Variants in AKAP9 observed in about 807,000 individuals in gnomAD.
AKAP9 encodes the protein A-kinase anchoring protein 9, also known as A-kinase anchor protein 9.
In AKAP9, 311 loss-of-function variants were observed where a neutral mutation model predicts 488.5. The ratio of observed to expected loss-of-function variants is 0.64; its 90% CI spans 0.58 to 0.70. The LOEUF (loss-of-function observed/expected upper bound fraction) is 0.70, where lower values mean the gene tolerates loss of function less well. AKAP9 is among the 30% of genes least tolerant of loss of function. The pLI is 0.00. For synonymous variants in AKAP9, 1,462 were observed against 1,483.5 expected (o/e 0.99, Z 0.33); for missense variants, 4,215 against 4,374.5 (o/e 0.96, Z 1.03).
chr7:91,947,691 A>G (rs963191410), intron 1 of AKAP9, among the ~76,000 whole-genome samples: 4 of 152,226 alleles, frequency 2.6e-5, no homozygotes, highest in African/African-American at 9.6e-5. Context: ...GTCTGTTGGA[A>G]TAATCTTATG....
At chr7:92,076,095 A>G (rs1436873381) in intron 28 of AKAP9, among the ~76,000 whole-genome samples, 1 of 152,234 alleles carries the variant, frequency 6.6e-6, no homozygotes. Context: ...GCAACAAACC[A>G]GTGAGCTAAA....
At chr7:92,082,411 A>G in intron 31 of AKAP9, 111 bp from the exon 32 acceptor site, 5 of 1,174,498 alleles carry the variant, frequency 4.3e-6, no homozygotes, top group Non-Finnish European at 6.2e-6. Context: ...CCAACTCCTT[A>G]TATCTGTAGG....
In AKAP9 at chr7:92,099,693, T is replaced by C. The variant is rs781113714; in HGVS notation, c.10720T>C (p.Leu3574=). 6.2e-7 allele frequency: 1 copy of C among 1,614,028 alleles called. No individual in the cohort carries two copies. The highest frequency in any genetic ancestry group is 8.5e-7 in the Non-Finnish European group (1 of 1,179,930). Residue 3574 remains leucine (L), a synonymous_variant, in exon 44 of 50, where the codon TTG becomes CTG. Coordinates refer to ENST00000356239, the MANE Select transcript of AKAP9 (RefSeq NM_005751.5). ...CACCATTTTATTTTTCCAGCCCAGC[T>C]TGGTGTCCCCAAGTACTTCTTGTGG... ...LTGQQGEEPS[L]VSPSTSCGSL... is the part of the protein sequence containing the mutation.
intron 28 of AKAP9, among the ~76,000 whole-genome samples, chr7:92,076,643 G>A (rs1420743601): frequency 6.6e-6 from 1 of 152,170 alleles, no homozygotes; most frequent in African/African-American, 2.4e-5. Flanking sequence ...TCTGCTTTGT[G>A]TAGGATAGTT....
At chr7:91,995,919 T>C (rs1798347559) in intron 7 of AKAP9, 119 bp downstream of exon 7, 1 of 735,066 alleles carries the variant, frequency 1.4e-6, no homozygotes, top group Non-Finnish European at 2.2e-6. Context: ...TTAAGCTCTT[T>C]GTGTAATTTA....
intron 16 of AKAP9, among the ~76,000 whole-genome samples, chr7:92,035,470 A>G (rs1223113150): frequency 6.6e-6 from 1 of 152,196 alleles, no homozygotes; most frequent in Non-Finnish European, 1.5e-5. Flanking sequence ...TTAGCCTAAA[A>G]ACCTTCCTTT....
chr7:91,987,373 A>C (rs1299530257), intron 3 of AKAP9, among the ~76,000 whole-genome samples: 20 of 152,046 alleles, frequency 1.3e-4, no homozygotes, highest in African/African-American at 1.9e-4. Context: ...GAGCCGAGAT[A>C]GTGCCATTGC....
chr7:92,069,787 A>C (rs1326938148), intron 26 of AKAP9, among the ~76,000 whole-genome samples: 1 of 152,144 alleles, frequency 6.6e-6, no homozygotes, highest in South Asian at 2.1e-4. Context: ...AGGCTGATGC[A>C]GGAGAATTGC....
chr7:92,061,547 G>T, intron 23 of AKAP9, 125 bp downstream of exon 23: 2 of 853,864 alleles, frequency 2.3e-6, no homozygotes, highest in East Asian at 3.5e-5. Flanking sequence ...AAGTACTTGT[G>T]GTTTATCTTC....
intron 22 of AKAP9, among the ~76,000 whole-genome samples, chr7:92,060,467 G>A (rs1584368768): frequency 1.3e-5 from 2 of 152,132 alleles, no homozygotes; most frequent in East Asian, 3.8e-4. Context: ...CAAAAGCTCA[G>A]AAAACTAAGG....
At chr7:92,066,577 C>T (rs373503638) in intron 26 of AKAP9, 31 bp downstream of exon 26, 1 of 1,611,596 alleles carries the variant, frequency 6.2e-7, no homozygotes, top group Non-Finnish European at 8.5e-7. Flanking sequence ...GCCCAACTTA[C>T]AGTAATTTGT....
Position 92,014,290 on chromosome 7 carries a change from C to G in AKAP9, c.3574C>G (p.Gln1192Glu). ...TTTACATCTGCTCATTGGAAAACTTCAAAAGGCAGTGTCTGAAGAATGTTC... is the reference window on the plus strand; with the variant it reads ...TTTACATCTGCTCATTGGAAAACTTGAAAAGGCAGTGTCTGAAGAATGTTC... ...KPLHLLIGKLQKAVSEECSYF... is the reference protein window; with the variant it reads ...KPLHLLIGKLEKAVSEECSYF... The change falls in exon 10 of 50, where the codon CAA becomes GAA. Residue 1192 changes from glutamine (Q) to glutamate (E), a missense_variant. Around this residue, in one of 5 missense-constraint regions of AKAP9, gnomAD observed 2,361 missense variants for 2,430.0 expected, o/e 0.97. Transcript: ENST00000356239. 1 of 1,613,356 alleles carries G rather than the reference C, an allele frequency of 6.2e-7. No homozygotes were observed. The highest frequency in any genetic ancestry group is 8.5e-7 in the Non-Finnish European group (1 of 1,179,468).
At chr7:91,962,832 C>T (rs528506194) in intron 1 of AKAP9, among the ~76,000 whole-genome samples, 3 of 125,444 alleles carry the variant, frequency 2.4e-5, no homozygotes, top group African/African-American at 6.2e-5. Context: ...GATTTTTAAT[C>T]GAACTGTTTA....
chr7:92,094,166 A>G (rs1816126087), intron 39 of AKAP9, among the ~76,000 whole-genome samples: 1 of 152,104 alleles, frequency 6.6e-6, no homozygotes, highest in Admixed American at 6.5e-5. Flanking sequence ...TTTTATTAAT[A>G]CTATTTTGTA....
rs763653471 is a variant in AKAP9 at position 92,014,308 on chromosome 7, G to C, written c.3592G>C (p.Glu1198Gln). Residue 1198 changes from glutamate to glutamine, a missense_variant, in exon 10 of 50, where the codon GAA (glutamate) becomes CAA (glutamine). Coordinates refer to ENST00000356239, the MANE Select transcript of AKAP9 (RefSeq NM_005751.5). ...IGKLQKAVSE[E>Q]CSYFLQTLCS... is the part of the protein sequence containing the mutation. ...AAAACTTCAAAAGGCAGTGTCTGAA[G>C]AATGTTCTTATTTTTTACAGGTAAA... The C allele has an allele frequency of 3.7e-6, 6 of 1,612,538 alleles. No homozygotes were observed. Among genetic ancestry groups the C allele is most frequent in the African/African-American group, 1.3e-5 (1 of 74,848 alleles).
intron 39 of AKAP9, among the ~76,000 whole-genome samples, chr7:92,094,588 A>C (rs892567813): frequency 6.6e-6 from 1 of 152,144 alleles, no homozygotes; most frequent in Non-Finnish European, 1.5e-5. Flanking sequence ...TAATCCGAGC[A>C]CTTTGGGAGG....
rs148603859 is a variant in AKAP9, at chr7:92,083,619, C to T, written c.8610C>T (p.Thr2870=). ...AVQLLKEECG[T]LKAVIQCLRS... is the part of the protein sequence containing the mutation. ...AGTTACTGAAAGAGGAATGTGGTACCTTGAAGGCAGTGATACAGTGTCTGA... is the reference window on the plus strand; with the variant it reads ...AGTTACTGAAAGAGGAATGTGGTACTTTGAAGGCAGTGATACAGTGTCTGA... The change falls in exon 33 of 50, where the codon ACC becomes ACT. Residue 2870 remains threonine (T), a synonymous_variant. Coordinates refer to ENST00000356239, the MANE Select transcript of AKAP9 (RefSeq NM_005751.5). 24 of 1,608,946 alleles carry T rather than the reference C, an allele frequency of 1.5e-5. No homozygotes were observed. The highest frequency in any genetic ancestry group is 1.8e-5 in the Non-Finnish European group (21 of 1,178,778).
chr7:92,098,322 T>C (rs1447092441), intron 43 of AKAP9, 108 bp downstream of exon 43: 4 of 642,936 alleles, frequency 6.2e-6, no homozygotes, highest in African/African-American at 1.8e-5. Context: ...TAGAGTTTTA[T>C]TTGTATCTTT....
At chr7:92,090,868 A>G (rs1815427558) in intron 38 of AKAP9, among the ~76,000 whole-genome samples, 1 of 152,194 alleles carries the variant, frequency 6.6e-6, no homozygotes, top group African/African-American at 2.4e-5. Context: ...ATTTTCCTAC[A>G]TAGTCATATT....
Sources: allele counts gnomAD v4.1 joint callset (sites outside exome capture counted in the v4.1 genomes callset), GRCh38; gene constraint gnomAD v4.1.1; regional missense constraint gnomAD v4.1.1; transcripts MANE v1.5; gene names NCBI Gene and HGNC (gene_info 2026-07-23, HGNC 2026-07-21).